The following NRXN1 variants were observed in gnomAD, a reference collection of about 807,000 sequenced individuals.
NRXN1 encodes the protein neurexin-1.
NRXN1 carries 39 observed loss-of-function variants against 150.9 expected under a neutral mutation model. That is an observed-to-expected ratio of 0.26 (90% CI 0.20 to 0.34). The LOEUF is 0.34. NRXN1 is among the 10% of genes least tolerant of loss of function. The pLI, the probability that NRXN1 is intolerant of heterozygous loss-of-function variation, is 1.00. For synonymous variants in NRXN1, 924 were observed against 757.0 expected, an observed-to-expected ratio of 1.22 and a Z score of -3.62; for missense variants, 1,815 against 1,949.9, an observed-to-expected ratio of 0.93 and a Z score of 1.30.
At chr2:50,203,227 T>G (rs2062314650) in intron 18 of NRXN1, among the ~76,000 whole-genome samples, 1 of 152,162 alleles carries the variant, frequency 6.6e-6, no homozygotes. Flanking sequence ...CAAAGAGGAA[T>G]AGCTATTTTC....
rs539752017 is a variant in NRXN1, at chr2:50,390,663, T to A, written c.3364+74779A>T. On this transcript the variant is annotated intron_variant, in intron 17 of 22. Coordinates refer to ENST00000401669, the MANE Select transcript of NRXN1 (RefSeq NM_001330078.2). Reference sequence around the variant, plus strand: ...GGCCATATGGATCTTTCCTCATAAATGGATTAATGTCATTAGTATAGGAGT... The same window carrying A: ...GGCCATATGGATCTTTCCTCATAAAAGGATTAATGTCATTAGTATAGGAGT... Among the ~76,000 whole-genome samples the A allele has an allele frequency of 4.6e-5, 7 of 152,218 alleles. 1 individual carries two copies. The South Asian group carries it at 1.2e-3, about 27-fold the overall frequency.
intron 5 of NRXN1, among the ~76,000 whole-genome samples, chr2:50,872,773 C>T (rs1677981259): frequency 6.6e-6 from 1 of 151,590 alleles, no homozygotes; most frequent in African/African-American, 2.4e-5. Context: ...GGCAACAAAA[C>T]AAGATCTTGT....
rs900388407 is a variant in NRXN1, at chr2:50,207,786, T to C, written c.3546+29003A>G. On this transcript the variant is annotated intron_variant, in intron 18 of 22. Transcript: ENST00000401669. The stretch of plus-strand genomic sequence containing the variant: ...ATACTATTCTGAATCAGCTATCATT[T>C]GGGAAAGTTCTCTTAATATCTTGGC... The C allele has an allele frequency of 2.4e-5, 4 of 165,260 alleles. 1 individual carries two copies. The Admixed American group carries it at 2.6e-4, about 11-fold the overall frequency. The allele number at this position is 165,260 out of a possible 1,614,324, so 10.2% of individuals were successfully genotyped here.
intron 18 of NRXN1, among the ~76,000 whole-genome samples, chr2:50,135,983 G>A (rs923170705): frequency 2.6e-5 from 4 of 152,080 alleles, no homozygotes; most frequent in African/African-American, 9.7e-5. Flanking sequence ...GGAGAAAATG[G>A]TTCAAAAATG....
At chr2:50,171,599 TCAGGCAAAAGAGAA>T in intron 18 of NRXN1, among the ~76,000 whole-genome samples, 1 of 152,122 alleles carries the variant, frequency 6.6e-6, no homozygotes, top group Non-Finnish European at 1.5e-5. Flanking sequence ...TTTGCCAAGC[TCAGGCAAAAGAGAA>T]AAGGGGAGAC....
intron 5 of NRXN1, among the ~76,000 whole-genome samples, chr2:50,900,368 T>C (rs550514492): frequency 1.2e-4 from 19 of 152,308 alleles, no homozygotes; most frequent in Admixed American, 1.1e-3. Flanking sequence ...TTAAGGACAG[T>C]AGTTCTAGAA....
intron 17 of NRXN1, among the ~76,000 whole-genome samples, chr2:50,375,104 A>G (rs2080385065): frequency 1.3e-5 from 2 of 152,152 alleles, no homozygotes; most frequent in South Asian, 2.1e-4. Context: ...TATATTTTCT[A>G]TATATACACT....
chr2:50,988,886 G>A (rs577383696), intron 2 of NRXN1, among the ~76,000 whole-genome samples: 7 of 151,978 alleles, frequency 4.6e-5, no homozygotes, highest in African/African-American at 1.7e-4. Flanking sequence ...TCTACTAGGT[G>A]GTTGGGGAGA....
intron 13 of NRXN1, among the ~76,000 whole-genome samples, chr2:50,502,927 T>G (rs1263489127): frequency 1.3e-5 from 2 of 152,070 alleles, no homozygotes; most frequent in Non-Finnish European, 2.9e-5. Flanking sequence ...TCTGTATCAT[T>G]CCTCACTAAA....
chr2:50,583,543 C>T (rs942008109), intron 8 of NRXN1, among the ~76,000 whole-genome samples: 4 of 152,146 alleles, frequency 2.6e-5, no homozygotes, highest in African/African-American at 9.7e-5. Flanking sequence ...AGGTTAGAGA[C>T]TACATCATGT....
At chr2:50,484,214 C>T (rs915392775) in intron 15 of NRXN1, among the ~76,000 whole-genome samples, 2 of 152,178 alleles carry the variant, frequency 1.3e-5, no homozygotes, top group Admixed American at 1.3e-4. Flanking sequence ...ATATTATGAG[C>T]TTCCTGGAGT....
intron 22 of NRXN1, among the ~76,000 whole-genome samples, chr2:49,930,638 T>C (rs1243234165): frequency 1.3e-5 from 2 of 152,322 alleles, no homozygotes; most frequent in South Asian, 2.1e-4. Context: ...TTTCATCCAA[T>C]AGTTTTGTCT....
chr2:50,475,868 C>T (rs375517222), intron 15 of NRXN1, among the ~76,000 whole-genome samples: 3 of 97,614 alleles, frequency 3.1e-5, no homozygotes, highest in Non-Finnish European at 6.4e-5. Context: ...CTTGAAGTGA[C>T]GGGTTTAAAA....
intron 17 of NRXN1, among the ~76,000 whole-genome samples, chr2:50,283,573 G>A (rs1558448793): frequency 6.6e-6 from 1 of 152,136 alleles, no homozygotes; most frequent in Non-Finnish European, 1.5e-5. Flanking sequence ...AGAACGCATT[G>A]ACACAATCGT....
chr2:50,685,220 C>G (rs1197170934), intron 5 of NRXN1, among the ~76,000 whole-genome samples: 1 of 152,120 alleles, frequency 6.6e-6, no homozygotes, highest in Non-Finnish European at 1.5e-5. Flanking sequence ...TTTGATCCGC[C>G]TGTTTTTCTT....
At chr2:50,402,192 C>A (rs1572840509) in intron 17 of NRXN1, among the ~76,000 whole-genome samples, 1 of 151,968 alleles carries the variant, frequency 6.6e-6, no homozygotes, top group East Asian at 1.9e-4. Flanking sequence ...GCTCTAGGTA[C>A]CTAGGGATCA....
intron 17 of NRXN1, among the ~76,000 whole-genome samples, chr2:50,459,759 T>C (rs2087968294): frequency 6.6e-6 from 1 of 152,168 alleles, no homozygotes; most frequent in Non-Finnish European, 1.5e-5. Flanking sequence ...TGCAAGGTTC[T>C]GATAATTCAC....
At chr2:49,979,178 T>C (rs1277640915) in intron 21 of NRXN1, among the ~76,000 whole-genome samples, 2 of 152,166 alleles carry the variant, frequency 1.3e-5, no homozygotes, top group Non-Finnish European at 2.9e-5. Context: ...GCACCTGTAA[T>C]CTCAGCTACT....
chr2:50,759,224 T>C (rs900776095), intron 5 of NRXN1, among the ~76,000 whole-genome samples: 15 of 151,948 alleles, frequency 9.9e-5, no homozygotes, highest in Admixed American at 2.6e-4. Context: ...TAATAATACA[T>C]CAATTCTTTT....
Sources: gnomAD v4.1 joint callset for allele counts (sites outside exome capture counted in the v4.1 genomes callset) on GRCh38, gnomAD v4.1.1 for gene constraint, MANE v1.5 for transcripts, NCBI Gene and HGNC (gene_info 2026-07-23, HGNC 2026-07-21) for gene names.